ANK2: variants seen among roughly 807,000 people sequenced by gnomAD.
The protein encoded by ANK2 is ankyrin-2.
In ANK2, 83 loss-of-function variants were observed where a neutral mutation model predicts 360.5. The observed-to-expected ratio is 0.23, with a 90% CI of 0.19 to 0.28. The LOEUF is 0.28. ANK2 is among the 10% of genes least tolerant of loss of function. The probability of loss-of-function intolerance (pLI) is 1.00; values close to 1 mark genes in which losing one functional copy is unlikely to be tolerated. For synonymous variants in ANK2, 1,740 were observed against 1,759.5 expected (o/e 0.99, Z 0.28); for missense variants, 4,201 against 4,795.7 (o/e 0.88, Z 3.66).
At chr4:113,313,147 C>T (rs948141053) in intron 24 of ANK2, among the ~76,000 whole-genome samples, 1 of 152,168 alleles carries the variant, frequency 6.6e-6, no homozygotes, top group African/African-American at 2.4e-5. Context: ...GTTCCATAAG[C>T]TGTCTTGATA....
chr4:112,976,467 A>G (rs6851865), intron 2 of ANK2, among the ~76,000 whole-genome samples: 39,150 of 151,948 alleles, frequency 0.26, 5,326 homozygotes, highest in East Asian at 0.42. Context: ...GTGCTGGATT[A>G]CAGGCGTGAG....
intron 4 of ANK2, among the ~76,000 whole-genome samples, chr4:113,201,153 G>A (rs2098824817): frequency 6.6e-6 from 1 of 151,888 alleles, no homozygotes; most frequent in African/African-American, 2.4e-5. Context: ...GGGATTGCTG[G>A]GTCTAATGGT....
intron 2 of ANK2, among the ~76,000 whole-genome samples, chr4:112,921,022 G>A (rs941447191): frequency 1.3e-5 from 2 of 150,608 alleles, no homozygotes; most frequent in Non-Finnish European, 3.0e-5. Context: ...TAGTCCAAAT[G>A]AATAATTTTA....
Position 113,357,573 on chromosome 4 carries a change from A to G in ANK2, c.8955A>G (p.Glu2985=), listed in dbSNP as rs377317854. The G allele has an allele frequency of 3.1e-6, 5 of 1,614,152 alleles. No homozygotes were observed. The highest frequency in any genetic ancestry group is 2.2e-5 in the East Asian group (1 of 44,880). The part of the protein sequence containing the change: ...SSSSGTVLSK[E]SNFEGQDIKM... ...CTAGTGGAACTGTTTTAAGCAAAGA[A>G]TCTAATTTTGAGGGCCAGGACATAA... The change falls in exon 38 of 46, where the codon GAA becomes GAG. Residue 2985 remains glutamate (E), a synonymous_variant. Coordinates refer to ENST00000357077, the MANE Select transcript of ANK2 (RefSeq NM_001148.6).
chr4:113,282,649 A>C (rs781125953), intron 17 of ANK2, 26 bp from the exon 18 acceptor site: 1 of 1,559,152 alleles, frequency 6.4e-7, no homozygotes. Flanking sequence ...CTCTATATGC[A>C]TGTGTTTTAT....
chr4:112,829,491 C>CCAAAAAAAAAAAAAAAAAAAAAAAAAAA, intron 1 of ANK2, among the ~76,000 whole-genome samples: 1 of 60,734 alleles, frequency 1.6e-5, no homozygotes, highest in East Asian at 3.3e-4. Flanking sequence ...CCCATCTCTA[C>CCAAAAAAAAAAAAAAAAAAAAAAAAAAA]AAAAAAAAAA....
chr4:112,827,649 G>A, intron 1 of ANK2: 1 of 752,242 alleles, frequency 1.3e-6, no homozygotes, highest in Non-Finnish European at 2.3e-6. Context: ...TTACTGCCAA[G>A]GAAGACACAA....
At chr4:113,108,632 G>A (rs2093939733) in intron 1 of ANK2, among the ~76,000 whole-genome samples, 1 of 152,042 alleles carries the variant, frequency 6.6e-6, no homozygotes, top group Admixed American at 6.6e-5. Flanking sequence ...GTAAAGTTTC[G>A]CTGAGAGAGC....
intron 1 of ANK2, among the ~76,000 whole-genome samples, chr4:113,095,168 T>A (rs1293670251): frequency 6.6e-6 from 1 of 152,238 alleles, no homozygotes; most frequent in Non-Finnish European, 1.5e-5. Flanking sequence ...GCTCTGATGC[T>A]GAGTGATGCT....
At chr4:113,207,317 T>C (rs943195131) in intron 4 of ANK2, among the ~76,000 whole-genome samples, 10 of 152,188 alleles carry the variant, frequency 6.6e-5, no homozygotes, top group African/African-American at 2.4e-4. Flanking sequence ...CATCATCACA[T>C]CTAAAATCTT....
intron 1 of ANK2, among the ~76,000 whole-genome samples, chr4:112,846,255 G>T (rs538500901): frequency 6.6e-6 from 1 of 151,918 alleles, no homozygotes; most frequent in Non-Finnish European, 1.5e-5. Context: ...GACTACAAGC[G>T]TCCCACCACA....
At chr4:112,915,788 T>C (rs989428065) in intron 2 of ANK2, among the ~76,000 whole-genome samples, 4 of 151,266 alleles carry the variant, frequency 2.6e-5, no homozygotes, top group African/African-American at 7.3e-5. Context: ...AAATAATAAA[T>C]ACATTTTTTT....
In ANK2 at chr4:113,358,733, T is replaced by C; in HGVS notation, c.10115T>C (p.Val3372Ala). 6.2e-7 allele frequency: 1 copy of C among 1,614,042 alleles called. No individual in the cohort carries two copies. The highest frequency in any genetic ancestry group is 1.1e-5 in the South Asian group (1 of 91,074). ...SDLDTSVQKTVAPQGQDMASI... is the reference protein window; with the variant it reads ...SDLDTSVQKTAAPQGQDMASI... ...CTAGACACCTCTGTCCAGAAGACAG[T>C]GGCTCCTCAGGGACAGGACATGGCA... The change falls in exon 38 of 46, where the codon GTG becomes GCG. Residue 3372 changes from valine to alanine, a missense_variant. Coordinates refer to ENST00000357077, the MANE Select transcript of ANK2 (RefSeq NM_001148.6).
intron 2 of ANK2, among the ~76,000 whole-genome samples, chr4:113,007,849 A>G (rs2053430806): frequency 1.3e-5 from 2 of 152,272 alleles, no homozygotes; most frequent in Non-Finnish European, 2.9e-5. Flanking sequence ...CAAACTCAAT[A>G]TGAAACCATA....
chr4:113,315,355 T>C (rs1278715232), intron 24 of ANK2, among the ~76,000 whole-genome samples: 1 of 152,232 alleles, frequency 6.6e-6, no homozygotes, highest in African/African-American at 2.4e-5. Flanking sequence ...ATTGATTCTT[T>C]CAAAGTTTAG....
At chr4:113,042,411 A>T (rs962394963) in intron 2 of ANK2, among the ~76,000 whole-genome samples, 1 of 152,154 alleles carries the variant, frequency 6.6e-6, no homozygotes, top group Non-Finnish European at 1.5e-5. Flanking sequence ...GCCAATTTCC[A>T]TAATAAATCC....
chr4:113,128,690 C>T (rs1456532841), intron 1 of ANK2, among the ~76,000 whole-genome samples: 2 of 152,036 alleles, frequency 1.3e-5, no homozygotes, highest in Admixed American at 6.6e-5. Flanking sequence ...GGGGTTTCAC[C>T]GTATTGGCCA....
At position 113,356,815 on chromosome 4, in the gene ANK2, T is replaced by G; in HGVS notation, c.8197T>G (p.Ser2733Ala). 1.2e-6 allele frequency: 2 copies of G among 1,613,940 alleles called. No individual in the cohort carries two copies. Among genetic ancestry groups the G allele is most frequent in the Middle Eastern group, 1.6e-4 (1 of 6,062 alleles). ...NEDTQEEPGK[S>A]EEEKDSESHL... Reference sequence around the variant, plus strand: ...AGATACTCAGGAAGAGCCAGGCAAATCAGAAGAAGAAAAAGATTCTGAATC... The same window carrying G: ...AGATACTCAGGAAGAGCCAGGCAAAGCAGAAGAAGAAAAAGATTCTGAATC... The change falls in exon 38 of 46, where the codon TCA (serine) becomes GCA (alanine). Residue 2733 changes from serine to alanine, a missense_variant. This residue lies in a region of ANK2 where 2,642 missense variants were observed against 2,714.5 expected (regional missense o/e 0.97). Transcript: ENST00000357077.
intron 1 of ANK2, chr4:112,826,194 G>C (rs919798203): frequency 6.5e-6 from 2 of 306,496 alleles, no homozygotes; most frequent in Non-Finnish European, 1.2e-5. Flanking sequence ...CCCCAAATGT[G>C]TGACTTGTCA....
Sources: allele counts gnomAD v4.1 joint callset (sites outside exome capture counted in the v4.1 genomes callset), GRCh38; gene constraint gnomAD v4.1.1; regional missense constraint gnomAD v4.1.1; transcripts MANE v1.5; gene names NCBI Gene and HGNC (gene_info 2026-07-23, HGNC 2026-07-21).